GABRG1: variants seen among roughly 807,000 people sequenced by gnomAD.
GABRG1 encodes the protein gamma-aminobutyric acid receptor subunit gamma-1.
In GABRG1, 49 loss-of-function variants were observed where a neutral mutation model predicts 49.8. That is an observed-to-expected ratio of 0.98 (90% CI 0.78 to 1.25). The LOEUF (loss-of-function observed/expected upper bound fraction) is 1.25. Ranked by LOEUF, GABRG1 falls within the 50% of genes most tolerant of loss-of-function variation. GABRG1 has a pLI of 0.00. For missense variants in GABRG1, 552 were observed against 552.3 expected (o/e 1.00, Z 0.01); for synonymous variants, 232 against 185.1 (o/e 1.25, Z -2.06).
At position 46,041,039 on chromosome 4, in the gene GABRG1, G is replaced by T. The variant is rs368289518; in HGVS notation, c.1347C>A (p.Thr449=). 6 of 1,612,836 alleles carry T rather than the reference G, an allele frequency of 3.7e-6. No individual in the cohort carries two copies. The South Asian group carries it at 6.6e-5, about 18-fold the overall frequency. Residue 449 remains threonine, a synonymous_variant, in exon 9 of 9, where the codon ACC becomes ACA. Transcript: ENST00000295452. ...IDSYSRIFFP[T]AFALFNLVYW... ...AAACCAAGTTGAACAGGGCAAAAGC[G>T]GTTGGGAAAAATATTCTAGAATAAG...
At chr4:46,051,739 C>G (rs1718232415) in intron 7 of GABRG1, 101 bp from the exon 8 acceptor site, 1 of 648,050 alleles carries the variant, frequency 1.5e-6, no homozygotes. Flanking sequence ...ACAATAGAAA[C>G]AAAAATATGA....
At position 46,038,833 on chromosome 4, in the gene GABRG1, C is replaced by T. The variant is rs1717638910; in HGVS notation, c.*2155G>A. On this transcript the variant is annotated 3_prime_UTR_variant, in exon 9 of 9. Transcript: ENST00000295452. ...AGGAAAGGCATCTTTCATATATTTA[C>T]AAATTTTATTTCCACTTGTAAATAT... is the stretch of plus-strand genomic sequence containing the variant. The T allele has an allele frequency of 6.6e-6, 1 of 151,704 alleles. No individual in the cohort carries two copies. Among genetic ancestry groups the T allele is most frequent in the South Asian group, 2.1e-4 (1 of 4,824 alleles). 9.4% of individuals were successfully genotyped at this position (151,704 alleles called of 1,614,324 possible). A position where few individuals can be genotyped will look rare whatever the true frequency, so the allele number is the denominator to read the frequency against.
chr4:46,037,725 GTTAT>G lies in GABRG1; in HGVS notation c.*3259_*3262del, dbSNP rs1717584492. 6.6e-6 allele frequency: 1 copy of G among 151,540 alleles called. No individual in the cohort carries two copies. The highest frequency in any genetic ancestry group is 2.1e-4 in the South Asian group (1 of 4,810). The allele number at this position is 151,540 out of a possible 1,614,324, so 9.4% of individuals were successfully genotyped here. A position where few individuals can be genotyped will look rare whatever the true frequency, so the allele number is the denominator to read the frequency against. ...TCGTTATACATTTACTTAAATACTG[GTTAT>G]TTATTTCAATCTACTAAAATCATCT... is the stretch of plus-strand genomic sequence containing the variant. On this transcript the variant is annotated 3_prime_UTR_variant, in exon 9 of 9. Transcript: ENST00000295452.
intron 2 of GABRG1, among the ~76,000 whole-genome samples, chr4:46,092,692 T>C (rs1057192704): frequency 4.0e-5 from 6 of 151,790 alleles, no homozygotes; most frequent in African/African-American, 1.5e-4. Flanking sequence ...AGGAACAATA[T>C]ACATATTTCC....
rs763854110 is a variant in GABRG1 at position 46,123,931 on chromosome 4, G to A, written c.-18C>T. Reference sequence around the variant, plus strand: ...GGACCCATCGGAATCGCTTTTTTACGTGTGCTGCACTAGCTCAATTCTCCC... The same window carrying A: ...GGACCCATCGGAATCGCTTTTTTACATGTGCTGCACTAGCTCAATTCTCCC... On this transcript the variant is annotated 5_prime_UTR_variant, in exon 1 of 9. The change creates a new upstream start codon in the 5' untranslated region. Coordinates refer to ENST00000295452, the MANE Select transcript of GABRG1 (RefSeq NM_173536.4). 3 of 1,582,944 alleles carry A rather than the reference G, an allele frequency of 1.9e-6. No homozygotes were observed. The highest frequency in any genetic ancestry group is 1.7e-5 in the Admixed American group (1 of 59,816).
intron 3 of GABRG1, among the ~76,000 whole-genome samples, chr4:46,074,138 T>A (rs1719240966): frequency 6.6e-6 from 1 of 152,182 alleles, no homozygotes; most frequent in Non-Finnish European, 1.5e-5. Flanking sequence ...GCAACATTTG[T>A]TATAGATTGG....
chr4:46,120,183 T>C (rs1721053386), intron 1 of GABRG1, among the ~76,000 whole-genome samples: 1 of 151,774 alleles, frequency 6.6e-6, no homozygotes, highest in South Asian at 2.1e-4. Context: ...TGCCCATATG[T>C]GAATTACTCT....
intron 7 of GABRG1, among the ~76,000 whole-genome samples, chr4:46,052,118 A>G (rs1292377968): frequency 3.3e-5 from 5 of 151,806 alleles, no homozygotes; most frequent in African/African-American, 1.2e-4. Context: ...GACCAATAGC[A>G]CTATCTTAAA....
In GABRG1 at chr4:46,036,617, C is replaced by T. The variant is rs750915911; in HGVS notation, c.*4371G>A. The T allele has an allele frequency of 6.6e-6, 1 of 151,922 alleles. No homozygotes were observed. The highest frequency in any genetic ancestry group is 2.4e-5 in the African/African-American group (1 of 41,428). The allele number at this position is 151,922 out of a possible 1,614,324, so 9.4% of individuals were successfully genotyped here. On this transcript the variant is annotated 3_prime_UTR_variant, in exon 9 of 9. Coordinates refer to ENST00000295452, the MANE Select transcript of GABRG1 (RefSeq NM_173536.4). ...CAGTTATGTTGTCTGTTAGTCAAAGCTTAATGTCTGCCACTTTTCTTTCTA... is the reference window on the plus strand; with the variant it reads ...CAGTTATGTTGTCTGTTAGTCAAAGTTTAATGTCTGCCACTTTTCTTTCTA...
chr4:46,079,183 A>G (rs1288012996), intron 3 of GABRG1, among the ~76,000 whole-genome samples: 4 of 151,762 alleles, frequency 2.6e-5, no homozygotes, highest in Non-Finnish European at 5.9e-5. Flanking sequence ...GAATGAAAGC[A>G]TTCTGTCATT....
intron 8 of GABRG1, among the ~76,000 whole-genome samples, chr4:46,048,475 G>A (rs1478091254): frequency 6.7e-6 from 1 of 148,202 alleles, no homozygotes; most frequent in African/African-American, 2.5e-5. Flanking sequence ...ATATACTTCA[G>A]GGAAGCATCA....
At chr4:46,042,720 T>C (rs1377627824) in intron 8 of GABRG1, among the ~76,000 whole-genome samples, 1 of 151,954 alleles carries the variant, frequency 6.6e-6, no homozygotes, top group East Asian at 1.9e-4. Context: ...AGTCACCAAA[T>C]ATTAAAAATC....
At chr4:46,098,571 C>T (rs1218694141) in intron 1 of GABRG1, among the ~76,000 whole-genome samples, 1 of 151,872 alleles carries the variant, frequency 6.6e-6, no homozygotes, top group Non-Finnish European at 1.5e-5. Flanking sequence ...CGTAAACTCT[C>T]AAGCTGATTT....
intron 8 of GABRG1, among the ~76,000 whole-genome samples, chr4:46,045,850 C>G (rs896519408): frequency 8.6e-5 from 13 of 151,906 alleles, no homozygotes; most frequent in Non-Finnish European, 1.6e-4. Context: ...CAGGAGTGAG[C>G]CAATACACCA....
chr4:46,064,484 G>T lies in GABRG1; in HGVS notation c.582C>A (p.Asn194Lys). 3 of 1,543,002 alleles carry T rather than the reference G, an allele frequency of 1.9e-6. No individual in the cohort carries two copies. The highest frequency in any genetic ancestry group is 2.6e-6 in the Non-Finnish European group (3 of 1,146,240). ...GACAGGAATGTTCATCCATGGGAAA[G>T]TTATGAAGCTGAAGATAACATTCTG... ...INAECYLQLH[N>K]FPMDEHSCPL... is the part of the protein sequence containing the mutation. The change falls in exon 5 of 9, where the codon AAC (asparagine) becomes AAA (lysine). Residue 194 changes from asparagine to lysine, a missense_variant. Asn to Lys is a moderately conservative substitution (Grantham distance 94, BLOSUM62 0). Transcript: ENST00000295452.
intron 8 of GABRG1, among the ~76,000 whole-genome samples, chr4:46,046,494 G>A (rs1326460065): frequency 1.3e-5 from 2 of 152,024 alleles, no homozygotes; most frequent in Non-Finnish European, 1.5e-5. Context: ...TCCTTCCTGG[G>A]AGCTTTGCCA....
At chr4:46,062,942 T>C (rs1225685458) in intron 5 of GABRG1, among the ~76,000 whole-genome samples, 1 of 151,706 alleles carries the variant, frequency 6.6e-6, no homozygotes. Context: ...AACAAAATAC[T>C]TAGGAATCCA....
At chr4:46,093,547 A>G (rs1320029154) in intron 2 of GABRG1, among the ~76,000 whole-genome samples, 1 of 152,046 alleles carries the variant, frequency 6.6e-6, no homozygotes, top group African/African-American at 2.4e-5. Flanking sequence ...CAGGGTGACT[A>G]CAGTCAATAA....
At chr4:46,093,374 T>C (rs1051354166) in intron 2 of GABRG1, among the ~76,000 whole-genome samples, 2 of 151,994 alleles carry the variant, frequency 1.3e-5, no homozygotes, top group Admixed American at 1.3e-4. Flanking sequence ...AAGTCACATG[T>C]TCTCACTCAT....
Sources: allele counts gnomAD v4.1 joint callset (sites outside exome capture counted in the v4.1 genomes callset), GRCh38; gene constraint gnomAD v4.1.1; transcripts MANE v1.5; gene names NCBI Gene and HGNC (gene_info 2026-07-23, HGNC 2026-07-21).